The following WDR19 variants were observed in gnomAD, a reference collection of about 807,000 sequenced individuals.
WDR19 encodes the protein WD repeat domain 19.
A neutral mutation model predicts 180.0 loss-of-function variants in WDR19; 121 were observed. The ratio of observed to expected loss-of-function variants is 0.67; its 90% CI spans 0.58 to 0.78. WDR19 has a LOEUF of 0.78. Ranked by LOEUF, WDR19 falls within the 30% of genes least tolerant of loss-of-function variation. WDR19 has a pLI of 0.00. For missense variants in WDR19, 1,450 were observed against 1,640.7 expected (o/e 0.88, Z 2.01); for synonymous variants, 497 against 540.7 (o/e 0.92, Z 1.12).
At chr4:39,188,900 C>T (rs1390933491) in intron 3 of WDR19, among the ~76,000 whole-genome samples, 1 of 151,850 alleles carries the variant, frequency 6.6e-6, no homozygotes, top group Non-Finnish European at 1.5e-5. Context: ...CATGTGCATG[C>T]CACCACGCCC....
At chr4:39,206,528 G>T (rs967860418) in intron 9 of WDR19, among the ~76,000 whole-genome samples, 3 of 152,176 alleles carry the variant, frequency 2.0e-5, no homozygotes, top group African/African-American at 7.2e-5. Context: ...GTAGAACAGA[G>T]TAACTAGAGA....
Position 39,255,849 on chromosome 4 carries a change from T to C in WDR19, c.3003T>C (p.Gly1001=). The change falls in exon 27 of 37, where the codon GGT becomes GGC. Residue 1001 remains glycine (G), a splice_region_variant and synonymous_variant. Coordinates refer to ENST00000399820, the MANE Select transcript of WDR19 (RefSeq NM_025132.4). ...NKMEIYADII[G]SEDTTNEDYQ... is the part of the protein sequence containing the mutation. Reference sequence around the variant, plus strand: ...TTACTCAGTAAACTTCTGTTACAGGTTCTGAAGACACTACTAATGAAGACT... The same window carrying C: ...TTACTCAGTAAACTTCTGTTACAGGCTCTGAAGACACTACTAATGAAGACT... The C allele has an allele frequency of 6.3e-7, 1 of 1,575,160 alleles. No individual in the cohort carries two copies. Among genetic ancestry groups the C allele is most frequent in the Non-Finnish European group, 8.6e-7 (1 of 1,157,836 alleles).
chr4:39,233,012 A>C (rs543509088), intron 19 of WDR19, among the ~76,000 whole-genome samples: 1 of 152,294 alleles, frequency 6.6e-6, no homozygotes, highest in South Asian at 2.1e-4. Flanking sequence ...ATATCACCAT[A>C]TATTGAGTGC....
chr4:39,210,784 C>T (rs1728416126), intron 9 of WDR19, among the ~76,000 whole-genome samples: 1 of 152,164 alleles, frequency 6.6e-6, no homozygotes, highest in Non-Finnish European at 1.5e-5. Flanking sequence ...GTCCAGCACA[C>T]CTTCATGATA....
intron 30 of WDR19, among the ~76,000 whole-genome samples, chr4:39,268,667 T>C (rs1027756620): frequency 6.6e-6 from 1 of 152,216 alleles, no homozygotes; most frequent in Non-Finnish European, 1.5e-5. Context: ...TTGGAAAATA[T>C]GCAGTCAAAT....
At chr4:39,266,242 T>C in intron 29 of WDR19, 102 bp downstream of exon 29, 1 of 1,077,874 alleles carries the variant, frequency 9.3e-7, no homozygotes. Flanking sequence ...CATGAAAAAT[T>C]TTCTCTCTGC....
intron 28 of WDR19, among the ~76,000 whole-genome samples, chr4:39,261,215 C>T (rs569746780): frequency 6.6e-6 from 1 of 150,442 alleles, no homozygotes; most frequent in East Asian, 2.0e-4. Context: ...TGTTCTCAAA[C>T]TCCTGACCTC....
At chr4:39,217,905 G>A in intron 13 of WDR19, 78 bp from the exon 14 acceptor site, 1 of 1,534,742 alleles carries the variant, frequency 6.5e-7, no homozygotes, top group South Asian at 1.3e-5. Flanking sequence ...GTGAACTTGA[G>A]AAAAAGACAC....
In WDR19 at chr4:39,274,899, GC is replaced by G; in HGVS notation, c.3659del (p.Pro1220LeufsTer7). ...TCAGCTTCGCAGCTATGTTGATGAG[GC>G]CTGAATACCGCAGCAAAATAGATGC... is the stretch of plus-strand genomic sequence containing the variant. Reference protein sequence around the residue: ...AFSFAAMLMRPEYRSKIDAKY... With the variant: ...AFSFAAMLMRXEYRSKIDAKY... On this transcript the variant is annotated frameshift_variant, in exon 33 of 37. Coordinates refer to ENST00000399820, the MANE Select transcript of WDR19 (RefSeq NM_025132.4). LOFTEE classifies it high-confidence loss of function. The G allele has an allele frequency of 6.2e-7, 1 of 1,614,048 alleles. No homozygotes were observed. The highest frequency in any genetic ancestry group is 8.5e-7 in the Non-Finnish European group (1 of 1,179,898).
intron 36 of WDR19, among the ~76,000 whole-genome samples, chr4:39,283,577 CTTGA>C (rs1369955450): frequency 4.6e-5 from 7 of 151,680 alleles, no homozygotes; most frequent in Non-Finnish European, 8.8e-5. Context: ...AAATTTTGTA[CTTGA>C]TTAATATCCT....
At chr4:39,281,641 C>CT (rs1736554408) in intron 36 of WDR19, among the ~76,000 whole-genome samples, 1 of 152,086 alleles carries the variant, frequency 6.6e-6, no homozygotes, top group Admixed American at 6.5e-5. Flanking sequence ...ATGATTGGGG[C>CT]TTGTATTAAT....
intron 14 of WDR19, chr4:39,219,199 GTAT>G (rs1729405734): frequency 6.6e-6 from 1 of 152,074 alleles, no homozygotes; most frequent in African/African-American, 2.4e-5. Flanking sequence ...TCATCATCAA[GTAT>G]TATGTACTAC....
intron 36 of WDR19, among the ~76,000 whole-genome samples, chr4:39,282,735 T>A (rs1736685697): frequency 6.6e-6 from 1 of 152,198 alleles, no homozygotes; most frequent in Admixed American, 6.5e-5. Flanking sequence ...TTTCGTGTCT[T>A]TTGTTAAATT....
intron 4 of WDR19, among the ~76,000 whole-genome samples, chr4:39,194,214 T>C (rs1240931625): frequency 6.6e-6 from 1 of 152,228 alleles, no homozygotes; most frequent in Non-Finnish European, 1.5e-5. Flanking sequence ...TCCATTAATA[T>C]TTTTGTAATC....
intron 5 of WDR19, among the ~76,000 whole-genome samples, chr4:39,196,777 A>C (rs1400636306): frequency 1.3e-5 from 2 of 152,140 alleles, no homozygotes; most frequent in African/African-American, 4.8e-5. Flanking sequence ...AATTTTCCAT[A>C]ATCTGGCCTT....
At chr4:39,276,882 A>G (rs1735953165) in intron 33 of WDR19, 138 bp from the exon 34 acceptor site, 1 of 1,072,942 alleles carries the variant, frequency 9.3e-7, no homozygotes, top group South Asian at 1.4e-5. Flanking sequence ...GTGAGCTTGT[A>G]AGTATCTCTC....
At chr4:39,248,622 G>A (rs1177557561) in intron 24 of WDR19, among the ~76,000 whole-genome samples, 2 of 152,056 alleles carry the variant, frequency 1.3e-5, no homozygotes, top group South Asian at 4.1e-4. Flanking sequence ...CACGTGCAGA[G>A]ACACACATAG....
chr4:39,257,921 C>T (rs143800318), intron 28 of WDR19, among the ~76,000 whole-genome samples: 108 of 152,070 alleles, frequency 7.1e-4, no homozygotes, highest in South Asian at 1.0e-3. Flanking sequence ...GTGTACCCCC[C>T]ACCCAGATCA....
chr4:39,283,316 TG>T (rs1736763728), intron 36 of WDR19, among the ~76,000 whole-genome samples: 1 of 152,304 alleles, frequency 6.6e-6, no homozygotes, highest in African/African-American at 2.4e-5. Context: ...ATCCTATTGC[TG>T]GATTATTTTG....
Sources: gnomAD v4.1 joint callset for allele counts (sites outside exome capture counted in the v4.1 genomes callset) on GRCh38, gnomAD v4.1.1 for gene constraint, MANE v1.5 for transcripts, NCBI Gene and HGNC (gene_info 2026-07-23, HGNC 2026-07-21) for gene names.